Variants in GLI3 observed in about 807,000 individuals in gnomAD.
GLI3 encodes the protein GLI family zinc finger 3.
A neutral mutation model predicts 100.8 loss-of-function variants in GLI3; 20 were observed. The ratio of observed to expected loss-of-function variants is 0.20; its 90% confidence interval spans 0.14 to 0.29. The LOEUF is 0.29. Ranked by LOEUF, GLI3 falls within the 10% of genes least tolerant of loss-of-function variation. GLI3 has a pLI of 1.00. For missense variants in GLI3, 2,040 were observed against 2,128.5 expected (o/e 0.96, Z 0.82); for synonymous variants, 938 against 860.5 (o/e 1.09, Z -1.58).
chr7:42,081,139 A>T (rs1412898251), intron 3 of GLI3, among the ~76,000 whole-genome samples: 1 of 152,160 alleles, frequency 6.6e-6, no homozygotes, highest in Admixed American at 6.5e-5. Context: ...ACCAGCTGCT[A>T]AGTGCTGTGT....
Position 42,048,671 on chromosome 7 carries a change from T to G in GLI3, c.499A>C (p.Thr167Pro). The G allele has an allele frequency of 6.2e-7, 1 of 1,609,306 alleles. No homozygotes were observed. Among genetic ancestry groups the G allele is most frequent in the South Asian group, 1.1e-5 (1 of 90,720 alleles). ...HMTSALSSSP[T>P]YPDLPFIRIS... ...CTAATGAAGGGCAGGTCCGGATACG[T>G]AGGGCTACTAGATAAGGCGGAAGTC... The change falls in exon 5 of 15, where the codon ACG becomes CCG. Residue 167 changes from threonine (T) to proline (P), a missense_variant. Transcript: ENST00000395925.
intron 3 of GLI3, among the ~76,000 whole-genome samples, chr7:42,100,797 A>G (rs1785445208): frequency 6.6e-6 from 1 of 152,160 alleles, no homozygotes; most frequent in African/African-American, 2.4e-5. Context: ...GAAGACAGCC[A>G]TGGAAGAGAG....
At chr7:42,262,896 C>T (rs946570585) in intron 1 of GLI3, among the ~76,000 whole-genome samples, 2 of 151,776 alleles carry the variant, frequency 1.3e-5, no homozygotes, top group African/African-American at 4.8e-5. Flanking sequence ...AGATAGAACC[C>T]AGTGTTTCTC....
Position 41,993,787 on chromosome 7 carries a change from A to G in GLI3, c.1498-15039T>C, listed in dbSNP as rs570015743. Among the ~76,000 whole-genome samples the G allele has an allele frequency of 2.6e-5, 4 of 152,318 alleles. No homozygotes were observed. In the South Asian group the frequency reaches 8.3e-4, roughly 32 times the overall value. On this transcript the variant is annotated intron_variant, in intron 10 of 14. Transcript: ENST00000395925. ...CTGCCTGCCTTAGATTTGTGCTTTG[A>G]GAATCAGAAGCCACAGGAAACGGAA...
At position 42,043,928 on chromosome 7, in the gene GLI3, T is replaced by C. The variant is rs945554956; in HGVS notation, c.826+1456A>G. On this transcript the variant is annotated intron_variant, in intron 6 of 14. Coordinates refer to ENST00000395925, the MANE Select transcript of GLI3 (RefSeq NM_000168.6). ...AAATGTGGTTATGATGAATCTGAAA[T>C]GTAAGCTCTCTATGCTAAAAAGCCA... Among the ~76,000 whole-genome samples, 3 of 152,318 alleles carry C rather than the reference T, an allele frequency of 2.0e-5. No individual in the cohort carries two copies. The South Asian group carries it at 6.2e-4, about 32-fold the overall frequency.
intron 9 of GLI3, among the ~76,000 whole-genome samples, chr7:42,024,803 T>C (rs1789059452): frequency 6.6e-6 from 1 of 152,080 alleles, no homozygotes; most frequent in Non-Finnish European, 1.5e-5. Context: ...TTCGCCAGGC[T>C]CTCCTAGAAA....
At chr7:42,144,214 A>G (rs1177600134) in intron 3 of GLI3, among the ~76,000 whole-genome samples, 2 of 152,214 alleles carry the variant, frequency 1.3e-5, no homozygotes, top group East Asian at 1.9e-4. Flanking sequence ...CTACAGACAG[A>G]GCATGGGCAG....
At position 41,961,326 on chromosome 7, in the gene GLI3, C is replaced by T. The variant is rs3735361; in HGVS notation, c.*3004G>A. 42,350 of 152,342 alleles carry T rather than the reference C, an allele frequency of 0.28. 7,217 individuals carry two copies. The highest frequency in any genetic ancestry group is 0.59 in the East Asian group (3,034 of 5,156). The allele number at this position is 152,342 out of a possible 1,614,324, so 9.4% of individuals were successfully genotyped here. ...ATCCTCCTATCAGTTCAAAACAACA[C>T]ATGAAACCAGGATACAAGACAGCCT... On this transcript the variant is annotated 3_prime_UTR_variant, in exon 15 of 15. Coordinates refer to ENST00000395925, the MANE Select transcript of GLI3 (RefSeq NM_000168.6).
At chr7:42,169,641 T>C (rs894147458) in intron 2 of GLI3, among the ~76,000 whole-genome samples, 2 of 152,152 alleles carry the variant, frequency 1.3e-5, no homozygotes, top group Non-Finnish European at 2.9e-5. Flanking sequence ...TCAGGTTCTA[T>C]GCAAAGACTT....
At chr7:42,024,880 T>TGGGTCCAGGAGCTCAATAATTCAGGCCC (rs1789062995) in intron 9 of GLI3, among the ~76,000 whole-genome samples, 1 of 152,178 alleles carries the variant, frequency 6.6e-6, no homozygotes, top group African/African-American at 2.4e-5. Context: ...AGCTCAGGCT[T>TGGGTCCAGGAGCTCAATAATTCAGGCCC]GGGTCCAGGA....
intron 7 of GLI3, among the ~76,000 whole-genome samples, chr7:42,029,263 C>G (rs567188528): frequency 1.3e-5 from 2 of 152,332 alleles, no homozygotes; most frequent in African/African-American, 2.4e-5. Flanking sequence ...ATGACAAAGC[C>G]AATTTAGAAT....
chr7:42,186,245 T>G (rs886470497), intron 2 of GLI3, among the ~76,000 whole-genome samples: 1 of 152,128 alleles, frequency 6.6e-6, no homozygotes, highest in African/African-American at 2.4e-5. Context: ...ACTTTCAAAG[T>G]CTCTCAACCA....
chr7:42,084,119 T>C (rs1409804786), intron 3 of GLI3, among the ~76,000 whole-genome samples: 2 of 152,206 alleles, frequency 1.3e-5, no homozygotes, highest in Non-Finnish European at 2.9e-5. Flanking sequence ...TATCATTTCT[T>C]TTGTGTAAGC....
chr7:42,018,903 C>T lies in GLI3; in HGVS notation c.1497+4565G>A, dbSNP rs149408527. ...ACAGAAATACATCTCACTTTCTCTG[C>T]GGTTCTGCCCCACAGGTAGAAGACA... On this transcript the variant is annotated intron_variant, in intron 10 of 14. Transcript: ENST00000395925. Among the ~76,000 whole-genome samples the T allele has an allele frequency of 4.7e-3, 712 of 152,274 alleles. 3 individuals are homozygous for T. The highest frequency in any genetic ancestry group is 0.016 in the African/African-American group (666 of 41,546).
intron 2 of GLI3, among the ~76,000 whole-genome samples, chr7:42,162,685 T>G (rs1055822148): frequency 6.6e-6 from 1 of 152,166 alleles, no homozygotes; most frequent in African/African-American, 2.4e-5. Flanking sequence ...CTCTACTGCC[T>G]GTAGACAAAA....
At chr7:42,093,508 G>A (rs1442134841) in intron 3 of GLI3, among the ~76,000 whole-genome samples, 1 of 147,280 alleles carries the variant, frequency 6.8e-6, no homozygotes, top group Non-Finnish European at 1.5e-5. Flanking sequence ...TGGGGTGGGT[G>A]GTGCAGCTGT....
chr7:41,967,604 A>G lies in GLI3; in HGVS notation c.2423T>C (p.Ile808Thr), dbSNP rs972697344. ...PPKAPAVSPLIGNGTQSNNTC... is the reference protein window; with the variant it reads ...PPKAPAVSPLTGNGTQSNNTC... ...TCTGATGTAGAACTCACCATTTCCTATGAGAGGAGAGACCGCAGGGGCTTT... is the reference window on the plus strand; with the variant it reads ...TCTGATGTAGAACTCACCATTTCCTGTGAGAGGAGAGACCGCAGGGGCTTT... Residue 808 changes from isoleucine (I) to threonine (T), a missense_variant, in exon 14 of 15, where the codon ATA becomes ACA. Physicochemically the swap from Ile to Thr is moderately conservative, Grantham distance 89 (BLOSUM62 -1). Around this residue, in one of 5 missense-constraint regions of GLI3, gnomAD observed 327 missense variants for 338.7 expected, o/e 0.97. Transcript: ENST00000395925. 1.9e-6 allele frequency: 3 copies of G among 1,611,162 alleles called. No individual in the cohort carries two copies. Among genetic ancestry groups the G allele is most frequent in the Non-Finnish European group, 2.5e-6 (3 of 1,177,772 alleles).
chr7:42,112,624 CA>C (rs1157931119), intron 3 of GLI3, among the ~76,000 whole-genome samples: 1 of 152,050 alleles, frequency 6.6e-6, no homozygotes, highest in African/African-American at 2.4e-5. Flanking sequence ...TAACAATTAA[CA>C]TTAAAATTTT....
At chr7:41,978,027 T>C in intron 11 of GLI3, 1 of 450,156 alleles carries the variant, frequency 2.2e-6, no homozygotes. Flanking sequence ...TGATTTCAGA[T>C]TCAGCACAAA....
Sources: gnomAD v4.1 joint callset for allele counts (sites outside exome capture counted in the v4.1 genomes callset) on GRCh38, gnomAD v4.1.1 for gene constraint, gnomAD v4.1.1 regional missense constraint, MANE v1.5 for transcripts, NCBI Gene and HGNC (gene_info 2026-07-23, HGNC 2026-07-21) for gene names.